The following PSD3 variants were observed in gnomAD, a reference collection of about 807,000 sequenced individuals.
PSD3 encodes pleckstrin and Sec7 domain containing 3.
Under a neutral mutation model 105.5 loss-of-function variants are expected in PSD3, and 49 were observed. The ratio of observed to expected loss-of-function variants is 0.46; its 90% CI spans 0.37 to 0.59. PSD3 has a LOEUF of 0.59. PSD3 is among the 20% of genes least tolerant of loss of function. PSD3 has a pLI of 0.00. For missense variants in PSD3, 1,561 were observed against 1,263.8 expected (o/e 1.24, Z -3.57); for synonymous variants, 557 against 457.8 (o/e 1.22, Z -2.77).
At chr8:18,920,709 T>C (rs769208599) in intron 2 of PSD3, among the ~76,000 whole-genome samples, 2 of 152,166 alleles carry the variant, frequency 1.3e-5, no homozygotes, top group African/African-American at 2.4e-5. Flanking sequence ...TTCGAGGCCA[T>C]ACAGAATGTA....
chr8:18,973,674 C>T (rs955415349), intron 1 of PSD3, among the ~76,000 whole-genome samples: 5 of 152,100 alleles, frequency 3.3e-5, no homozygotes, highest in African/African-American at 4.8e-5. Context: ...GGACTCAATC[C>T]TAAGTATATG....
At chr8:18,873,219 T>C (rs1817507527) in intron 2 of PSD3, among the ~76,000 whole-genome samples, 1 of 152,094 alleles carries the variant, frequency 6.6e-6, no homozygotes, top group South Asian at 2.1e-4. Flanking sequence ...TTAAACTCAG[T>C]CAATATGTTT....
chr8:18,851,005 T>C (rs924964244), intron 4 of PSD3, among the ~76,000 whole-genome samples: 1 of 152,092 alleles, frequency 6.6e-6, no homozygotes, highest in Non-Finnish European at 1.5e-5. Context: ...CGAGACAAAG[T>C]GCAAGGACAC....
At chr8:18,828,291 A>G (rs1180801059) in intron 4 of PSD3, among the ~76,000 whole-genome samples, 1 of 151,776 alleles carries the variant, frequency 6.6e-6, no homozygotes, top group Non-Finnish European at 1.5e-5. Flanking sequence ...CACCCAAAAA[A>G]TGACTTTAGT....
At position 18,765,577 on chromosome 8, in the gene PSD3, T is replaced by C. The variant is rs779352641; in HGVS notation, c.2083-39A>G. 19 of 1,431,078 alleles carry C rather than the reference T, an allele frequency of 1.3e-5. No individual in the cohort carries two copies. The African/African-American group carries it at 2.0e-4, about 15-fold the overall frequency. 88.6% of individuals were successfully genotyped at this position (1,431,078 alleles called of 1,614,324 possible). The stretch of plus-strand genomic sequence containing the variant: ...AAACAGTACATCACTATGACATTCA[T>C]GGAATTAAGACTGATTCATAAATAT... On this transcript the variant is annotated intron_variant, in intron 8 of 15. Coordinates refer to ENST00000327040, the MANE Select transcript of PSD3 (RefSeq NM_015310.4).
At position 18,888,771 on chromosome 8, in the gene PSD3, A is replaced by G. The variant is rs185459541; in HGVS notation, c.131-16038T>C. ...ACAAGCACTAACCAGTCCGTGAATC[A>G]CCAATTCCCTATGAGATGTAAGCTG... On this transcript the variant is annotated intron_variant, in intron 2 of 15. Transcript: ENST00000327040. Among the ~76,000 whole-genome samples, 11 of 152,308 alleles carry G rather than the reference A, an allele frequency of 7.2e-5. No homozygotes were observed. In the East Asian group the frequency reaches 2.1e-3, roughly 29 times the overall value.
At chr8:18,995,797 C>T (rs1215735918) in intron 1 of PSD3, among the ~76,000 whole-genome samples, 1 of 151,932 alleles carries the variant, frequency 6.6e-6, no homozygotes, top group Non-Finnish European at 1.5e-5. Flanking sequence ...TCTCGTGAGA[C>T]TTATTCACCA....
intron 1 of PSD3, among the ~76,000 whole-genome samples, chr8:19,067,276 C>T (rs974616352): frequency 7.2e-5 from 11 of 152,124 alleles, no homozygotes; most frequent in East Asian, 3.9e-4. Context: ...TGCCCTCTTG[C>T]GTGGTACAGT....
chr8:18,591,017 T>C (rs183413539), intron 12 of PSD3, among the ~76,000 whole-genome samples: 2 of 152,234 alleles, frequency 1.3e-5, no homozygotes, highest in East Asian at 3.9e-4. Context: ...GCAGAATAGG[T>C]AGTCCCAGCT....
At chr8:18,535,982 C>T (rs371743651) in intron 15 of PSD3, 24 bp from the exon 16 acceptor site, 14 of 1,601,214 alleles carry the variant, frequency 8.7e-6, no homozygotes, top group East Asian at 4.5e-5. Context: ...CAGAGAACAA[C>T]GGTAGTCAGA....
In PSD3 at chr8:18,533,557, T is replaced by G. The variant is rs1026676411; in HGVS notation, c.*2186A>C. On this transcript the variant is annotated 3_prime_UTR_variant, in exon 16 of 16. Transcript: ENST00000327040. ...GTAGCAAGGTACCATTCAATGTATATTAAATAAGTAAAATACATACAGACA... is the reference window on the plus strand; with the variant it reads ...GTAGCAAGGTACCATTCAATGTATAGTAAATAAGTAAAATACATACAGACA... The G allele has an allele frequency of 2.6e-5, 4 of 152,140 alleles. No individual in the cohort carries two copies. The highest frequency in any genetic ancestry group is 9.7e-5 in the African/African-American group (4 of 41,424). The allele number at this position is 152,140 out of a possible 1,614,324, so 9.4% of individuals were successfully genotyped here.
chr8:18,706,541 A>T (rs1801909613), intron 9 of PSD3, among the ~76,000 whole-genome samples: 1 of 152,260 alleles, frequency 6.6e-6, no homozygotes, highest in African/African-American at 2.4e-5. Flanking sequence ...ATTAGCAAAA[A>T]AGCCATATAG....
intron 8 of PSD3, among the ~76,000 whole-genome samples, chr8:18,773,230 A>G (rs1227059895): frequency 1.3e-5 from 2 of 151,966 alleles, no homozygotes; most frequent in Non-Finnish European, 2.9e-5. Flanking sequence ...TTTTTTTTGC[A>G]TGAAGATACT....
chr8:18,895,891 A>G (rs1819118314), intron 2 of PSD3, among the ~76,000 whole-genome samples: 1 of 152,254 alleles, frequency 6.6e-6, no homozygotes, highest in Non-Finnish European at 1.5e-5. Flanking sequence ...ATAGAATACT[A>G]GAACTTATTC....
intron 1 of PSD3, among the ~76,000 whole-genome samples, chr8:19,065,429 C>A (rs1395596967): frequency 6.6e-6 from 1 of 152,132 alleles, no homozygotes; most frequent in Admixed American, 6.5e-5. Context: ...AGGGCTCAGT[C>A]TGACAAGACT....
intron 1 of PSD3, among the ~76,000 whole-genome samples, chr8:19,050,793 A>G (rs1312327280): frequency 6.6e-6 from 1 of 152,178 alleles, no homozygotes; most frequent in Admixed American, 6.5e-5. Context: ...ATATGTAACT[A>G]ACCTGCACAT....
At chr8:18,750,881 G>C (rs1003410614) in intron 9 of PSD3, among the ~76,000 whole-genome samples, 2 of 152,104 alleles carry the variant, frequency 1.3e-5, no homozygotes, top group South Asian at 4.2e-4. Context: ...TACAAACCTT[G>C]AGCTAGATAC....
chr8:18,591,437 T>C lies in PSD3; in HGVS notation c.2481+8927A>G, dbSNP rs537083571. ...CTGCAGTCAGCACAGCTTGATGCAA[T>C]TGGGAGAAAAGGTGGTCAACCTGAA... On this transcript the variant is annotated intron_variant, in intron 12 of 15. Transcript: ENST00000327040. 9.2e-5 allele frequency among the ~76,000 whole-genome samples: 14 copies of C among 152,190 alleles called. No homozygotes were observed. The East Asian group carries it at 1.2e-3, about 13-fold the overall frequency.
intron 9 of PSD3, among the ~76,000 whole-genome samples, chr8:18,735,972 A>G (rs1373472060): frequency 6.6e-6 from 1 of 152,138 alleles, no homozygotes; most frequent in Non-Finnish European, 1.5e-5. Context: ...ATCTAACTAT[A>G]AATCTAACTA....
Sources: gnomAD v4.1 joint callset for allele counts (sites outside exome capture counted in the v4.1 genomes callset) on GRCh38, gnomAD v4.1.1 for gene constraint, MANE v1.5 for transcripts, NCBI Gene and HGNC (gene_info 2026-07-23, HGNC 2026-07-21) for gene names.